Variants in SAMD9 observed in about 807,000 individuals in gnomAD.
SAMD9 encodes the protein sterile alpha motif domain-containing protein 9.
SAMD9 carries 3 observed loss-of-function variants against 1.5 expected under a neutral mutation model. The ratio of observed to expected loss-of-function variants is 2.05; its 90% confidence interval spans 0.93 to 5.29. The LOEUF (loss-of-function observed/expected upper bound fraction) is 5.29. Ranked by LOEUF, SAMD9 falls within the 30% of genes most tolerant of loss-of-function variation. The pLI is 0.02. For missense variants in SAMD9, 1,597 were observed against 1,820.8 expected, an observed-to-expected ratio of 0.88 and a Z score of 2.24; for synonymous variants, 635 against 631.9, an observed-to-expected ratio of 1.00 and a Z score of -0.07.
rs745559731 is a variant in SAMD9 at position 93,102,645 on chromosome 7, A to G, written c.3453T>C (p.Ala1151=). 2.5e-6 allele frequency: 4 copies of G among 1,613,880 alleles called. No homozygotes were observed. In the South Asian group the frequency reaches 4.4e-5, roughly 18 times the overall value. The change falls in exon 3 of 3, where the codon GCT becomes GCC. Residue 1151 remains alanine, a synonymous_variant. Coordinates refer to ENST00000379958, the MANE Select transcript of SAMD9 (RefSeq NM_017654.4). ...NGNISVDDLI[A]LLDLAEHASS... The stretch of plus-strand genomic sequence containing the variant: ...AGGCATGTTCTGCTAAATCCAAAAG[A>G]GCAATTAGATCATCAACTGAAATGT...
rs267601628 is a variant in SAMD9 at position 93,102,943 on chromosome 7, G to C, written c.3155C>G (p.Ser1052Cys). ...EHEGETGNWF[S>C]PFIEALHKDE... Reference sequence around the variant, plus strand: ...TTTATGTAATGCTTCAATAAATGGGGAAAACCAATTTCCTGTTTCACCTTC... The same window carrying C: ...TTTATGTAATGCTTCAATAAATGGGCAAAACCAATTTCCTGTTTCACCTTC... Residue 1052 changes from serine to cysteine, a missense_variant, in exon 3 of 3, where the codon TCC becomes TGC. Ser to Cys is a moderately radical substitution (Grantham distance 112). This residue lies in a region of SAMD9 where 682 missense variants were observed against 810.0 expected (regional missense o/e 0.84). Transcript: ENST00000379958. 7 of 1,613,892 alleles carry C rather than the reference G, an allele frequency of 4.3e-6. No homozygotes were observed. Among genetic ancestry groups the C allele is most frequent in the Non-Finnish European group, 5.9e-6 (7 of 1,179,840 alleles).
intron 1 of SAMD9, among the ~76,000 whole-genome samples, chr7:93,116,803 TTAAAAAC>T (rs1243639603): frequency 6.6e-6 from 1 of 152,148 alleles, no homozygotes; most frequent in African/African-American, 2.4e-5. Flanking sequence ...TCCGTATACT[TTAAAAAC>T]TGACCTGAAA....
Position 93,105,054 on chromosome 7 carries a change from G to A in SAMD9, c.1044C>T (p.Ser348=), listed in dbSNP as rs779236387. 4.3e-6 allele frequency: 7 copies of A among 1,613,892 alleles called. No individual in the cohort carries two copies. In the Admixed American group the frequency reaches 1.2e-4, roughly 27 times the overall value. ...KFSLFVRDGT[S]SKDITKNKVD... Reference sequence around the variant, plus strand: ...CTTTATTTTTCGTAATGTCCTTAGAGCTGGTCCCATCTCGCACAAATAGTG... The same window carrying A: ...CTTTATTTTTCGTAATGTCCTTAGAACTGGTCCCATCTCGCACAAATAGTG... Residue 348 remains serine, a synonymous_variant, in exon 3 of 3, where the codon AGC becomes AGT. Coordinates refer to ENST00000379958, the MANE Select transcript of SAMD9 (RefSeq NM_017654.4).
chr7:93,112,300 A>G (rs1170620579), intron 2 of SAMD9, among the ~76,000 whole-genome samples: 2 of 152,196 alleles, frequency 1.3e-5, no homozygotes, highest in African/African-American at 4.8e-5. Context: ...TTGATGGGAC[A>G]TATCTCAAAA....
In SAMD9 at chr7:93,099,876, A is replaced by G. The variant is rs1288764549; in HGVS notation, c.*1452T>C. ...TCTAGATCATGTCATTTATTTACAAATACTTTAGTATGTATCTCTAAAAGG... is the reference window on the plus strand; with the variant it reads ...TCTAGATCATGTCATTTATTTACAAGTACTTTAGTATGTATCTCTAAAAGG... On this transcript the variant is annotated 3_prime_UTR_variant, in exon 3 of 3. Coordinates refer to ENST00000379958, the MANE Select transcript of SAMD9 (RefSeq NM_017654.4). 1 of 152,202 alleles carries G rather than the reference A, an allele frequency of 6.6e-6. No homozygotes were observed. The highest frequency in any genetic ancestry group is 1.5e-5 in the Non-Finnish European group (1 of 68,026). The allele number at this position is 152,202 out of a possible 1,614,324, so 9.4% of individuals were successfully genotyped here.
Position 93,103,718 on chromosome 7 carries a change from C to T in SAMD9, c.2380G>A (p.Val794Ile), listed in dbSNP as rs764190540. Residue 794 changes from valine (V) to isoleucine (I), a missense_variant, in exon 3 of 3, where the codon GTA becomes ATA. Transcript: ENST00000379958. ...TCAAAATCATCAACAAGGAGTAGTA[C>T]AGGTACGTATTCCTGACGGTTCATT... ...GAMNRQEYVP[V>I]LLLVDDFEEQ... 8.1e-6 allele frequency: 13 copies of T among 1,613,756 alleles called. No individual in the cohort carries two copies. The Admixed American group carries it at 1.8e-4, about 23-fold the overall frequency.
Position 93,101,972 on chromosome 7 carries a change from A to T in SAMD9, c.4126T>A (p.Cys1376Ser). ...TCTTTTGACTGGATTTTGACAGTGC[A>T]TTGTTCTAAGAGAAAAGTATATTCG... ...VNEYTFLLEQCTVKIQSKEKL... is the reference protein window; with the variant it reads ...VNEYTFLLEQSTVKIQSKEKL... The change falls in exon 3 of 3, where the codon TGC becomes AGC. Residue 1376 changes from cysteine (C) to serine (S), a missense_variant. Coordinates refer to ENST00000379958, the MANE Select transcript of SAMD9 (RefSeq NM_017654.4). The T allele has an allele frequency of 6.2e-7, 1 of 1,613,834 alleles. No homozygotes were observed. The highest frequency in any genetic ancestry group is 8.5e-7 in the Non-Finnish European group (1 of 1,179,776).
Position 93,101,278 on chromosome 7 carries a change from A to C in SAMD9, c.*50T>G, listed in dbSNP as rs754859647. On this transcript the variant is annotated 3_prime_UTR_variant, in exon 3 of 3. Coordinates refer to ENST00000379958, the MANE Select transcript of SAMD9 (RefSeq NM_017654.4). The stretch of plus-strand genomic sequence containing the variant: ...TAAAGCATAGATCTTGAGTCCAAAA[A>C]AATTAAATGGGTACTGAGATCAAAT... The C allele has an allele frequency of 5.9e-6, 9 of 1,516,708 alleles. No homozygotes were observed. Among genetic ancestry groups the C allele is most frequent in the Non-Finnish European group, 8.2e-6 (9 of 1,100,604 alleles). The allele number at this position is 1,516,708 out of a possible 1,614,324, so 94.0% of individuals were successfully genotyped here. A position where few individuals can be genotyped will look rare whatever the true frequency, so the allele number is the denominator to read the frequency against.
At position 93,103,255 on chromosome 7, in the gene SAMD9, T is replaced by G. The variant is rs1430622499; in HGVS notation, c.2843A>C (p.Lys948Thr). The G allele has an allele frequency of 6.2e-7, 1 of 1,613,642 alleles. No homozygotes were observed. Among genetic ancestry groups the G allele is most frequent in the Non-Finnish European group, 8.5e-7 (1 of 1,179,744 alleles). Residue 948 changes from lysine to threonine, a missense_variant, in exon 3 of 3, where the codon AAG becomes ACG. Lys to Thr is a moderately conservative substitution (Grantham distance 78, BLOSUM62 -1). This residue lies in a region of SAMD9 where 682 missense variants were observed against 810.0 expected (regional missense o/e 0.84). Coordinates refer to ENST00000379958, the MANE Select transcript of SAMD9 (RefSeq NM_017654.4). ...AAATTTTTCTGTCCCCCAGAAAGCC[T>G]TCTTGTTTCCAATTCCTAAGAATTT... ...CEKFLGIGNK[K>T]AFWGTEKFED... is the part of the protein sequence containing the mutation.
At chr7:93,113,507 T>C (rs1791781207) in intron 2 of SAMD9, among the ~76,000 whole-genome samples, 1 of 152,002 alleles carries the variant, frequency 6.6e-6, no homozygotes, top group Non-Finnish European at 1.5e-5. Context: ...ATCATCAGAG[T>C]GAACAGGCAA....
intron 2 of SAMD9, among the ~76,000 whole-genome samples, chr7:93,108,515 A>G (rs1234433766): frequency 1.3e-5 from 2 of 152,124 alleles, no homozygotes; most frequent in East Asian, 1.9e-4. Flanking sequence ...CGCATCCCAC[A>G]GGAAGCTCAA....
At position 93,103,593 on chromosome 7, in the gene SAMD9, A is replaced by T; in HGVS notation, c.2505T>A (p.Cys835Ter). Residue 835 changes from cysteine (C) to a stop codon, truncating the protein, a stop_gained, in exon 3 of 3, where the codon TGT becomes TGA. Coordinates refer to ENST00000379958, the MANE Select transcript of SAMD9 (RefSeq NM_017654.4). LOFTEE classifies it low-confidence loss of function (END_TRUNC). ...YEKPLVIILN[C>*]MRSQNPEKSA... ...TTTTTTCAGGATTTTGTGATCTCAT[A>T]CAATTTAGGATAATCACCAGAGGTT... The T allele has an allele frequency of 6.2e-7, 1 of 1,613,456 alleles. No homozygotes were observed. The highest frequency in any genetic ancestry group is 8.5e-7 in the Non-Finnish European group (1 of 1,179,590).
chr7:93,114,012 C>T (rs550184190), intron 2 of SAMD9, among the ~76,000 whole-genome samples: 28 of 152,080 alleles, frequency 1.8e-4, no homozygotes, highest in Middle Eastern at 3.4e-3. Flanking sequence ...ATGTTTATTG[C>T]GGCACTATTC....
Position 93,101,261 on chromosome 7 carries a change from A to T in SAMD9, c.*67T>A. 7.8e-7 allele frequency: 1 copy of T among 1,276,560 alleles called. No homozygotes were observed. The allele number at this position is 1,276,560 out of a possible 1,614,324, so 79.1% of individuals were successfully genotyped here. On this transcript the variant is annotated 3_prime_UTR_variant, in exon 3 of 3. Coordinates refer to ENST00000379958, the MANE Select transcript of SAMD9 (RefSeq NM_017654.4). ...CTATAACCTTGCCGGTTTAAAGCAT[A>T]GATCTTGAGTCCAAAAAAATTAAAT...
rs1006785467 is a variant in SAMD9, at chr7:93,105,935, C to T, written c.163G>A (p.Val55Ile). The T allele has an allele frequency of 3.1e-6, 5 of 1,612,172 alleles. No homozygotes were observed. The highest frequency in any genetic ancestry group is 3.4e-6 in the Non-Finnish European group (4 of 1,179,052). The stretch of plus-strand genomic sequence containing the variant: ...GGTCCATGTGTGATGCCCATATCAA[C>T]AAGATGTTCTTTTTTTAACCACTTC... ...VLKWLKKEHL[V>I]DMGITHGPAI... Residue 55 changes from valine (V) to isoleucine (I), a missense_variant, in exon 3 of 3, where the codon GTT (valine) becomes ATT (isoleucine). By Grantham distance (29) the Val-to-Ile change is conservative (BLOSUM62 3). Around this residue, in one of 6 missense-constraint regions of SAMD9, gnomAD observed 498 missense variants for 457.4 expected, o/e 1.09. Coordinates refer to ENST00000379958, the MANE Select transcript of SAMD9 (RefSeq NM_017654.4).
At chr7:93,106,389 G>A (rs1465349425) in intron 2 of SAMD9, among the ~76,000 whole-genome samples, 1 of 152,154 alleles carries the variant, frequency 6.6e-6, no homozygotes, top group African/African-American at 2.4e-5. Context: ...AATGCTTCCA[G>A]TCAGTATATA....
Position 93,103,643 on chromosome 7 carries a change from CT to C in SAMD9, c.2454del (p.Ile818MetfsTer13), listed in dbSNP as rs1458556022. The C allele has an allele frequency of 3.1e-6, 5 of 1,613,698 alleles. No individual in the cohort carries two copies. Among genetic ancestry groups the C allele is most frequent in the Non-Finnish European group, 4.2e-6 (5 of 1,179,732 alleles). ...TTTTCATATCGAATGTACTTTTTAG[CT>C]ATAGCTGTTTGAATAGAGTACTGCA... ...YLLQYSIQTA[I>X]AKKYIRYEKP... On this transcript the variant is annotated frameshift_variant, in exon 3 of 3. Coordinates refer to ENST00000379958, the MANE Select transcript of SAMD9 (RefSeq NM_017654.4). LOFTEE classifies it low-confidence loss of function (END_TRUNC).
chr7:93,105,437 G>A lies in SAMD9; in HGVS notation c.661C>T (p.Arg221Ter), dbSNP rs778654614. ...VKMKFSNEVFRFASACMNSRT... is the reference protein window; with the variant it reads ...VKMKFSNEVF ...GAATTCATACAAGCTGAAGCAAATC[G>A]GAAAACCTCATTGCTAAATTTCATC... is the stretch of plus-strand genomic sequence containing the variant. Residue 221 changes from arginine (R) to a stop codon, truncating the protein, a stop_gained, in exon 3 of 3, where the codon CGA becomes TGA. Transcript: ENST00000379958. LOFTEE classifies it low-confidence loss of function (END_TRUNC). 1.8e-5 allele frequency: 29 copies of A among 1,613,838 alleles called. No homozygotes were observed. The highest frequency in any genetic ancestry group is 9.3e-5 in the African/African-American group (7 of 74,878).
At chr7:93,108,802 G>A (rs955174760) in intron 2 of SAMD9, among the ~76,000 whole-genome samples, 2 of 152,198 alleles carry the variant, frequency 1.3e-5, no homozygotes, top group African/African-American at 4.8e-5. Flanking sequence ...AAGTGGCCAG[G>A]AAGCTTGAAC....
Sources: gnomAD v4.1 joint callset for allele counts (sites outside exome capture counted in the v4.1 genomes callset) on GRCh38, gnomAD v4.1.1 for gene constraint, gnomAD v4.1.1 regional missense constraint, MANE v1.5 for transcripts, NCBI Gene and HGNC (gene_info 2026-07-23, HGNC 2026-07-21) for gene names.